The following WDPCP variants were observed in gnomAD, a reference collection of about 807,000 sequenced individuals.
The protein encoded by WDPCP is WD repeat-containing and planar cell polarity effector protein fritz homolog.
In WDPCP, 71 loss-of-function variants were observed where a neutral mutation model predicts 93.1. That is an observed-to-expected ratio of 0.76 (90% confidence interval 0.63 to 0.93). The LOEUF (loss-of-function observed/expected upper bound fraction) is 0.93. Among genes scored for constraint, WDPCP ranks in the 40% least tolerant of loss-of-function variants. The pLI is 0.00. For missense variants in WDPCP, 844 were observed against 887.4 expected (o/e 0.95, Z 0.62); for synonymous variants, 315 against 315.0 (o/e 1.00, Z 0.00).
At chr2:63,634,003 A>G (rs1045435159) in intron 3 of WDPCP, among the ~76,000 whole-genome samples, 16 of 152,064 alleles carry the variant, frequency 1.1e-4, no homozygotes, top group Admixed American at 9.8e-4. Context: ...TGGAGGTTGC[A>G]GTGAGCTGAG....
At chr2:63,310,795 G>A (rs1686127924) in intron 13 of WDPCP, among the ~76,000 whole-genome samples, 1 of 152,130 alleles carries the variant, frequency 6.6e-6, no homozygotes, top group South Asian at 2.1e-4. Context: ...GGAGTTCAAG[G>A]TTATAGTGAG....
At chr2:63,244,036 T>A (rs1053612256) in intron 14 of WDPCP, among the ~76,000 whole-genome samples, 2 of 151,916 alleles carry the variant, frequency 1.3e-5, no homozygotes, top group Non-Finnish European at 2.9e-5. Context: ...CAAACGACAC[T>A]CTTAGACCAC....
intron 1 of WDPCP, among the ~76,000 whole-genome samples, chr2:63,506,313 A>T (rs1255456725): frequency 6.6e-6 from 1 of 152,092 alleles, no homozygotes; most frequent in African/African-American, 2.4e-5. Context: ...TGGCAGCAAG[A>T]CCGGCTCCAA....
At chr2:63,170,579 T>G (rs1281582126) in intron 15 of WDPCP, among the ~76,000 whole-genome samples, 1 of 152,192 alleles carries the variant, frequency 6.6e-6, no homozygotes, top group East Asian at 1.9e-4. Flanking sequence ...TCATTTTGTC[T>G]TTATAATTCA....
At chr2:63,792,196 AG>A (rs1670555616) in intron 2 of WDPCP, among the ~76,000 whole-genome samples, 1 of 152,230 alleles carries the variant, frequency 6.6e-6, no homozygotes, top group Non-Finnish European at 1.5e-5. Context: ...TATAAAGAAA[AG>A]AAATTTAATT....
intron 13 of WDPCP, among the ~76,000 whole-genome samples, chr2:63,307,495 C>G (rs537765298): frequency 1.9e-4 from 29 of 152,308 alleles, no homozygotes; most frequent in Non-Finnish European, 3.4e-4. Context: ...AACTATACTA[C>G]AAGTCTACGG....
At chr2:63,697,200 C>T (rs1238704364) in intron 2 of WDPCP, among the ~76,000 whole-genome samples, 1 of 152,178 alleles carries the variant, frequency 6.6e-6, no homozygotes, top group Non-Finnish European at 1.5e-5. Flanking sequence ...TACCTGCCAG[C>T]ATTGTTCTAA....
At chr2:63,835,638 TTAAA>T in the WDPCP span, among the ~76,000 whole-genome samples, 6 of 151,288 alleles carry the variant, frequency 4.0e-5, no homozygotes, top group East Asian at 1.2e-3. Flanking sequence ...AAAAAAAAAA[TTAAA>T]TAAAAAAAAT....
intron 15 of WDPCP, among the ~76,000 whole-genome samples, chr2:63,154,060 CTTATTA>C (rs139357800): frequency 0.014 from 2,088 of 151,840 alleles, 45 homozygotes; most frequent in African/African-American, 0.048. Context: ...AGCTCCACTA[CTTATTA>C]TTATGTATCT....
At position 63,405,875 on chromosome 2, in the gene WDPCP, G is replaced by A. The variant is rs544875823; in HGVS notation, c.826-1218C>T. Among the ~76,000 whole-genome samples the A allele has an allele frequency of 5.9e-5, 9 of 152,162 alleles. No individual in the cohort carries two copies. The East Asian group carries it at 1.7e-3, about 29-fold the overall frequency. On this transcript the variant is annotated intron_variant, in intron 9 of 17. Transcript: ENST00000272321. ...CTACACGTTAAAATTTTATAGAACT[G>A]TACATCCCCCAGAAAAGGTGCATGT...
At chr2:63,798,044 G>C (rs1446455233) in intron 2 of WDPCP, among the ~76,000 whole-genome samples, 1 of 151,666 alleles carries the variant, frequency 6.6e-6, no homozygotes, top group Non-Finnish European at 1.5e-5. Flanking sequence ...AAGTGCTGAA[G>C]GAAAAAAACT....
At chr2:63,637,288 GT>G (rs1298140043) in intron 3 of WDPCP, among the ~76,000 whole-genome samples, 2 of 151,644 alleles carry the variant, frequency 1.3e-5, no homozygotes, top group Non-Finnish European at 2.9e-5. Context: ...GGAGATGGGG[GT>G]TGCAGTGAGC....
chr2:63,817,431 TA>T (rs1451893065), intron 1 of WDPCP, among the ~76,000 whole-genome samples: 3 of 152,208 alleles, frequency 2.0e-5, no homozygotes, highest in Non-Finnish European at 4.4e-5. Context: ...TTATTGACTG[TA>T]AATTACAACT....
chr2:63,812,131 T>C (rs1261496679), intron 2 of WDPCP, among the ~76,000 whole-genome samples: 5 of 151,972 alleles, frequency 3.3e-5, no homozygotes, highest in Non-Finnish European at 7.4e-5. Context: ...TCCCAAAGTG[T>C]TGGGATTACA....
intron 2 of WDPCP, among the ~76,000 whole-genome samples, chr2:63,688,152 C>A (rs1668837083): frequency 6.6e-6 from 1 of 152,110 alleles, no homozygotes; most frequent in South Asian, 2.1e-4. Flanking sequence ...ATTGGCCTGG[C>A]GCGGTGGCTC....
At chr2:63,769,339 A>T (rs1430657743) in intron 2 of WDPCP, among the ~76,000 whole-genome samples, 5 of 152,038 alleles carry the variant, frequency 3.3e-5, no homozygotes, top group African/African-American at 9.7e-5. Context: ...CCAATAACAT[A>T]AAAATATGTG....
chr2:63,781,647 T>A (rs771081368), intron 2 of WDPCP, among the ~76,000 whole-genome samples: 1 of 152,040 alleles, frequency 6.6e-6, no homozygotes, highest in Non-Finnish European at 1.5e-5. Flanking sequence ...AACGAAACAA[T>A]CTGTGGGATA....
chr2:63,466,046 A>G (rs1029488862), intron 6 of WDPCP, among the ~76,000 whole-genome samples: 2 of 152,180 alleles, frequency 1.3e-5, no homozygotes, highest in African/African-American at 4.8e-5. Context: ...CTTGGCTCAG[A>G]TAAAACAAGG....
At chr2:63,393,205 A>C (rs1050337049) in intron 10 of WDPCP, among the ~76,000 whole-genome samples, 9 of 152,230 alleles carry the variant, frequency 5.9e-5, no homozygotes, top group Non-Finnish European at 8.8e-5. Context: ...CTATGCCGCC[A>C]TAAAAAAGGA....
Sources: gnomAD v4.1 joint callset for allele counts (sites outside exome capture counted in the v4.1 genomes callset) on GRCh38, gnomAD v4.1.1 for gene constraint, MANE v1.5 for transcripts, NCBI Gene and HGNC (gene_info 2026-07-23, HGNC 2026-07-21) for gene names.